Variants in EPB41L4A observed in about 807,000 individuals in gnomAD.
EPB41L4A encodes erythrocyte membrane protein band 4.1 like 4A.
EPB41L4A carries 100 observed loss-of-function variants against 108.6 expected under a neutral mutation model. That is an observed-to-expected ratio of 0.92 (90% CI 0.78 to 1.09). The LOEUF (loss-of-function observed/expected upper bound fraction) is 1.09, where lower values mean the gene tolerates loss of function less well. EPB41L4A is among the 50% of genes least tolerant of loss of function. The pLI is 0.00. For synonymous variants in EPB41L4A, 319 were observed against 289.0 expected, an observed-to-expected ratio of 1.10 and a Z score of -1.05; for missense variants, 1,030 against 842.7, an observed-to-expected ratio of 1.22 and a Z score of -2.75.
intron 1 of EPB41L4A, among the ~76,000 whole-genome samples, chr5:112,337,931 G>T (rs949087946): frequency 2.0e-5 from 3 of 152,112 alleles, no homozygotes; most frequent in African/African-American, 7.2e-5. Context: ...ACCAATGACT[G>T]CAAGAAGGCA....
At chr5:112,402,163 G>C (rs1210999226) in intron 1 of EPB41L4A, among the ~76,000 whole-genome samples, 1 of 152,082 alleles carries the variant, frequency 6.6e-6, no homozygotes, top group Non-Finnish European at 1.5e-5. Flanking sequence ...TCTCATGATA[G>C]TGAGTGAGTT....
intron 1 of EPB41L4A, among the ~76,000 whole-genome samples, chr5:112,311,696 A>G (rs542635286): frequency 8.3e-4 from 126 of 152,330 alleles, no homozygotes; most frequent in African/African-American, 2.9e-3. Context: ...CGACAGAGTG[A>G]GTGAGACTCT....
At chr5:112,374,803 G>A (rs1056050375) in intron 1 of EPB41L4A, among the ~76,000 whole-genome samples, 1 of 152,176 alleles carries the variant, frequency 6.6e-6, no homozygotes, top group South Asian at 2.1e-4. Context: ...ATTTTTCTCA[G>A]GCAAGACTGT....
At chr5:112,176,616 C>G (rs905791899) in intron 18 of EPB41L4A, among the ~76,000 whole-genome samples, 1 of 152,126 alleles carries the variant, frequency 6.6e-6, no homozygotes, top group Non-Finnish European at 1.5e-5. Flanking sequence ...CATCTACTCT[C>G]TTCATTTCAC....
chr5:112,372,640 G>A (rs1457937711), intron 1 of EPB41L4A, among the ~76,000 whole-genome samples: 3 of 152,196 alleles, frequency 2.0e-5, no homozygotes, highest in South Asian at 2.1e-4. Context: ...GTGGTCCAAA[G>A]TAACAGTGGA....
chr5:112,286,316 G>A (rs1753274520), intron 2 of EPB41L4A, among the ~76,000 whole-genome samples: 1 of 152,090 alleles, frequency 6.6e-6, no homozygotes, highest in African/African-American at 2.4e-5. Flanking sequence ...TAGCACCCAA[G>A]GAGCTGAACA....
chr5:112,272,495 T>C lies in EPB41L4A; in HGVS notation c.335+2831A>G, dbSNP rs540260783. Among the ~76,000 whole-genome samples, 21 of 151,770 alleles carry C rather than the reference T, an allele frequency of 1.4e-4. No homozygotes were observed. In the East Asian group the frequency reaches 2.9e-3, roughly 21 times the overall value. On this transcript the variant is annotated intron_variant, in intron 4 of 22. Coordinates refer to ENST00000261486, the MANE Select transcript of EPB41L4A (RefSeq NM_022140.5). The stretch of plus-strand genomic sequence containing the variant: ...GATGGCCAAAGCATATAGTTAATTA[T>C]GGAATACAATGTAGGAGTAAAAAGA...
At chr5:112,200,966 T>C (rs1198217997) in intron 15 of EPB41L4A, among the ~76,000 whole-genome samples, 1 of 152,210 alleles carries the variant, frequency 6.6e-6, no homozygotes, top group Non-Finnish European at 1.5e-5. Context: ...AAATATAATT[T>C]CCTATTATTA....
chr5:112,215,431 A>T (rs939777289), intron 12 of EPB41L4A, among the ~76,000 whole-genome samples: 1 of 152,338 alleles, frequency 6.6e-6, no homozygotes, highest in Non-Finnish European at 1.5e-5. Flanking sequence ...GAATTAATCA[A>T]GAGTGTCCAA....
intron 1 of EPB41L4A, among the ~76,000 whole-genome samples, chr5:112,365,041 G>C (rs1160484762): frequency 6.6e-6 from 1 of 152,132 alleles, no homozygotes; most frequent in Non-Finnish European, 1.5e-5. Context: ...TGCCTGTCTT[G>C]TTTGACCGCT....
At chr5:112,363,120 C>G (rs1758885974) in intron 1 of EPB41L4A, among the ~76,000 whole-genome samples, 1 of 152,094 alleles carries the variant, frequency 6.6e-6, no homozygotes. Flanking sequence ...CTGGTCTAGT[C>G]AGAGCCCAGT....
chr5:112,200,519 T>A (rs1166235118), intron 15 of EPB41L4A, among the ~76,000 whole-genome samples: 4 of 152,186 alleles, frequency 2.6e-5, no homozygotes, highest in Non-Finnish European at 5.9e-5. Flanking sequence ...CATGTATTTA[T>A]CCCTTAACAG....
intron 17 of EPB41L4A, among the ~76,000 whole-genome samples, 200 bp from the exon 18 acceptor site, chr5:112,184,335 T>C (rs985759004): frequency 2.6e-5 from 4 of 152,214 alleles, no homozygotes; most frequent in African/African-American, 9.6e-5. Flanking sequence ...ATAATACTCA[T>C]GATATATGTA....
At chr5:112,334,996 G>A (rs1756826638) in intron 1 of EPB41L4A, among the ~76,000 whole-genome samples, 1 of 152,108 alleles carries the variant, frequency 6.6e-6, no homozygotes, top group African/African-American at 2.4e-5. Context: ...GCCTATACTA[G>A]GGTACAGCCT....
intron 1 of EPB41L4A, among the ~76,000 whole-genome samples, chr5:112,372,246 T>C (rs144807098): frequency 5.9e-5 from 9 of 152,264 alleles, no homozygotes; most frequent in South Asian, 4.1e-4. Flanking sequence ...GGTGAAAGGA[T>C]AGAGAATGAG....
chr5:112,287,845 AAGG>A (rs750580940), intron 2 of EPB41L4A, among the ~76,000 whole-genome samples: 1 of 152,208 alleles, frequency 6.6e-6, no homozygotes, highest in Non-Finnish European at 1.5e-5. Flanking sequence ...TGATTCAGAT[AAGG>A]AGGTTTCCAG....
intron 3 of EPB41L4A, among the ~76,000 whole-genome samples, chr5:112,276,108 T>C (rs190578559): frequency 6.6e-6 from 1 of 152,334 alleles, no homozygotes; most frequent in Non-Finnish European, 1.5e-5. Flanking sequence ...ATGATAACTC[T>C]TACCTTTTTT....
Position 112,262,351 on chromosome 5 carries a change from T to C in EPB41L4A, c.642+143A>G, listed in dbSNP as rs191531616. The stretch of plus-strand genomic sequence containing the variant: ...ATTAGGGTTTAATCCACACGAGAGC[T>C]GCTTTGTGTTAGAAAAACAGATAAA... On this transcript the variant is annotated intron_variant, in intron 7 of 22. Coordinates refer to ENST00000261486, the MANE Select transcript of EPB41L4A (RefSeq NM_022140.5). The C allele has an allele frequency of 3.5e-4, 231 of 663,620 alleles. 4 individuals carry two copies. The East Asian group carries it at 5.3e-3, about 15-fold the overall frequency. The allele number at this position is 663,620 out of a possible 1,614,324, so 41.1% of individuals were successfully genotyped here. A position where few individuals can be genotyped will look rare whatever the true frequency, so the allele number is the denominator to read the frequency against.
rs191245550 is a variant in EPB41L4A, at chr5:112,150,357, G to A, written n.995-4359C>T. Among the ~76,000 whole-genome samples the A allele has an allele frequency of 2.0e-5, 3 of 152,158 alleles. No individual in the cohort carries two copies. In the East Asian group the frequency reaches 5.8e-4, roughly 29 times the overall value. ...ACAGAGTTAGACCCTGTCAATCAGA[G>A]TATCAGAGTATTGAATAGTGTGTTT... On this transcript the variant is annotated intron_variant and non_coding_transcript_variant, in intron 12 of 13. Transcript: ENST00000507810.
Sources: allele counts gnomAD v4.1 joint callset (sites outside exome capture counted in the v4.1 genomes callset), GRCh38; gene constraint gnomAD v4.1.1; transcripts MANE v1.5; gene names NCBI Gene and HGNC (gene_info 2026-07-23, HGNC 2026-07-21).